Variants in RANGAP1 observed in about 807,000 individuals in gnomAD.
RANGAP1 encodes Ran GTPase activating protein 1, also known as ran GTPase-activating protein 1.
A neutral mutation model predicts 63.5 loss-of-function variants in RANGAP1; 38 were observed. The observed-to-expected ratio is 0.60, with a 90% CI of 0.46 to 0.78. RANGAP1 has a LOEUF of 0.78. Among genes scored for constraint, RANGAP1 ranks in the 30% least tolerant of loss-of-function variants. The probability of loss-of-function intolerance (pLI) is 0.00; values close to 1 mark genes in which losing one functional copy is unlikely to be tolerated. For synonymous variants in RANGAP1, 329 were observed against 310.5 expected, an observed-to-expected ratio of 1.06 and a Z score of -0.63; for missense variants, 630 against 740.3, an observed-to-expected ratio of 0.85 and a Z score of 1.73.
intron 6 of RANGAP1, among the ~76,000 whole-genome samples, chr22:41,260,965 G>A (rs1228146212): frequency 1.3e-5 from 2 of 152,204 alleles, no homozygotes; most frequent in East Asian, 1.9e-4. Context: ...GGGATGGGGA[G>A]AGGAGAGTGG....
intron 6 of RANGAP1, among the ~76,000 whole-genome samples, chr22:41,259,336 G>A (rs6002301): frequency 0.043 from 6,541 of 152,130 alleles, 236 homozygotes; most frequent in African/African-American, 0.1. Context: ...GCCAACCTGG[G>A]CACACTCCAG....
In RANGAP1 at chr22:41,274,692, T is replaced by C; in HGVS notation, c.148A>G (p.Ser50Gly). The change falls in exon 3 of 16, where the codon AGC (serine) becomes GGC (glycine). Residue 50 changes from serine (S) to glycine (G), a missense_variant. Physicochemically the swap from Ser to Gly is moderately conservative, Grantham distance 56 (BLOSUM62 0). This residue lies in a region of RANGAP1 where 65 missense variants were observed against 60.5 expected (regional missense o/e 1.07). Coordinates refer to ENST00000356244, the MANE Select transcript of RANGAP1 (RefSeq NM_002883.4). Reference protein sequence around the residue: ...DVIKEIEDFDSLEALRLEGNT... With the variant: ...DVIKEIEDFDGLEALRLEGNT... ...CCTTCCAGACGCAGAGCCTCCAAGC[T>C]GTCAAAGTCTTCAATCTCTTTAATC... is the stretch of plus-strand genomic sequence containing the variant. 1 of 1,614,176 alleles carries C rather than the reference T, an allele frequency of 6.2e-7. No individual in the cohort carries two copies. The highest frequency in any genetic ancestry group is 8.5e-7 in the Non-Finnish European group (1 of 1,180,024).
rs757636521 is a variant in RANGAP1 at position 41,264,745 on chromosome 22, C to T, written c.399G>A (p.Glu133=). 6.8e-6 allele frequency: 11 copies of T among 1,614,116 alleles called. No individual in the cohort carries two copies. The Admixed American group carries it at 1.8e-4, about 27-fold the overall frequency. Reference sequence around the variant, plus strand: ...AGCAGGCTGAGCTCTTGAGCAGGGCCTCGAAGCCTTGCACACCGTCGGGCC... The same window carrying T: ...AGCAGGCTGAGCTCTTGAGCAGGGCTTCGAAGCCTTGCACACCGTCGGGCC... ...AFGPDGVQGF[E]ALLKSSACFT... is the part of the protein sequence containing the mutation. Residue 133 remains glutamate (E), a synonymous_variant, in exon 5 of 16, where the codon GAG becomes GAA. Transcript: ENST00000356244.
chr22:41,287,781 G>GT (rs1354983269), upstream of RANGAP1, among the ~76,000 whole-genome samples: 1 of 152,008 alleles, frequency 6.6e-6, no homozygotes, highest in East Asian at 1.9e-4. Context: ...GAGGTCAGGA[G>GT]TTTGAGACCA....
intron 6 of RANGAP1, among the ~76,000 whole-genome samples, chr22:41,260,362 G>T (rs551605580): frequency 6.6e-6 from 1 of 152,146 alleles, no homozygotes; most frequent in African/African-American, 2.4e-5. Flanking sequence ...GCCCCCACCA[G>T]CTCCAGAGGA....
Position 41,261,551 on chromosome 22 carries a change from G to C in RANGAP1, c.510C>G (p.His170Gln). Residue 170 changes from histidine (H) to glutamine (Q), a missense_variant, in exon 6 of 16, where the codon CAC becomes CAG. Physicochemically the swap from His to Gln is conservative, Grantham distance 24. Transcript: ENST00000356244. ...GCTTGCCTTGGGCACTGGATTTCCGGTGACATTCGGTCAGAGCTGCAGCCA... is the reference window on the plus strand; with the variant it reads ...GCTTGCCTTGGGCACTGGATTTCCGCTGACATTCGGTCAGAGCTGCAGCCA... ...KILAAALTEC[H>Q]RKSSAQGKPL... 1.2e-6 allele frequency: 2 copies of C among 1,614,234 alleles called. No homozygotes were observed. The highest frequency in any genetic ancestry group is 1.7e-6 in the Non-Finnish European group (2 of 1,180,048).
chr22:41,271,193 C>T (rs541562133), intron 3 of RANGAP1, among the ~76,000 whole-genome samples: 2 of 150,182 alleles, frequency 1.3e-5, no homozygotes, highest in Non-Finnish European at 3.0e-5. Flanking sequence ...AGATCAAGAT[C>T]AGACTGGGCA....
Position 41,249,762 on chromosome 22 carries a change from G to A in RANGAP1, c.1539C>T (p.Leu513=), listed in dbSNP as rs775136001. 1.4e-5 allele frequency: 22 copies of A among 1,613,976 alleles called. No homozygotes were observed. The highest frequency in any genetic ancestry group is 3.3e-5 in the Admixed American group (2 of 60,008). ...NSSSFNSNTF[L]TRLLVHMGLL... is the part of the protein sequence containing the mutation. The stretch of plus-strand genomic sequence containing the variant: ...GACCCATGTGCACGAGCAGCCTGGT[G>A]AGGAAGGTGTTGGAGTTGAAGGACG... Residue 513 remains leucine, a synonymous_variant, in exon 14 of 16, where the codon CTC becomes CTT. Coordinates refer to ENST00000356244, the MANE Select transcript of RANGAP1 (RefSeq NM_002883.4).
rs934930074 is a variant in RANGAP1, at chr22:41,279,641, C to CA, written c.112+1291dup. Reference sequence around the variant, plus strand: ...TGGGCAACAGAGCAAGACTATGTCTCAAAAAAAAAAATTAGCCAGGCGTGA... The same window carrying CA: ...TGGGCAACAGAGCAAGACTATGTCTCAAAAAAAAAAAATTAGCCAGGCGTGA... On this transcript the variant is annotated intron_variant, in intron 2 of 15. Coordinates refer to ENST00000356244, the MANE Select transcript of RANGAP1 (RefSeq NM_002883.4). Among the ~76,000 whole-genome samples the CA allele has an allele frequency of 9.2e-4, 131 of 141,784 alleles. 1 individual carries two copies. In the Middle Eastern group the frequency reaches 0.015, roughly 16 times the overall value. 93.0% of individuals were successfully genotyped at this position (141,784 alleles called of 152,430 possible).
chr22:41,264,748 G>C lies in RANGAP1; in HGVS notation c.396C>G (p.Phe132Leu). The change falls in exon 5 of 16, where the codon TTC becomes TTG. Residue 132 changes from phenylalanine (F) to leucine (L), a missense_variant. By Grantham distance (22) the Phe-to-Leu change is conservative. This residue lies in a region of RANGAP1 where 137 missense variants were observed against 214.3 expected (regional missense o/e 0.64). Transcript: ENST00000356244. ...NAFGPDGVQG[F>L]EALLKSSACF... ...AGGCTGAGCTCTTGAGCAGGGCCTC[G>C]AAGCCTTGCACACCGTCGGGCCCGA... 6.2e-7 allele frequency: 1 copy of C among 1,614,090 alleles called. No homozygotes were observed. The highest frequency in any genetic ancestry group is 8.5e-7 in the Non-Finnish European group (1 of 1,179,928).
the RANGAP1 span, among the ~76,000 whole-genome samples, chr22:41,297,687 T>A: frequency 1.5e-5 from 1 of 67,558 alleles, no homozygotes; most frequent in Admixed American, 2.7e-4. Flanking sequence ...CACACCTGGC[T>A]TTTTTTTTTT....
At position 41,257,746 on chromosome 22, in the gene RANGAP1, C is replaced by T. The variant is rs971663287; in HGVS notation, c.774+202G>A. On this transcript the variant is annotated intron_variant, in intron 7 of 15. Transcript: ENST00000356244. The surrounding 1 kb of genome is among the most constrained non-coding windows in gnomAD (Gnocchi z 4.0). ...GAGAAGGTGGCATGAAGAATCAGAG[C>T]TGCCCGAGGAGGGCGTGGGTTACCT... is the stretch of plus-strand genomic sequence containing the variant. 2.0e-5 allele frequency among the ~76,000 whole-genome samples: 3 copies of T among 152,230 alleles called. No individual in the cohort carries two copies. The highest frequency in any genetic ancestry group is 7.2e-5 in the African/African-American group (3 of 41,462).
Position 41,245,980 on chromosome 22 carries a change from C to T in RANGAP1, c.*623G>A, listed in dbSNP as rs1953. On this transcript the variant is annotated 3_prime_UTR_variant, in exon 16 of 16. Transcript: ENST00000356244. ...ACAATCTGGTGTCTGCCTGTCCACA[C>T]GGTGTGGGGCCCAGGGTTGCCCTCT... 35,289 of 152,832 alleles carry T rather than the reference C, an allele frequency of 0.23. 4,476 individuals are homozygous for T. Among genetic ancestry groups the T allele is most frequent in the Non-Finnish European group, 0.28 (18,888 of 68,508 alleles). The allele number at this position is 152,832 out of a possible 1,614,324, so 9.5% of individuals were successfully genotyped here. A position where few individuals can be genotyped will look rare whatever the true frequency, so the allele number is the denominator to read the frequency against.
In RANGAP1 at chr22:41,276,793, G is replaced by GTT. The variant is rs1457159072; in HGVS notation, c.113-2067_113-2066insAA. On this transcript the variant is annotated intron_variant, in intron 2 of 15. Coordinates refer to ENST00000356244, the MANE Select transcript of RANGAP1 (RefSeq NM_002883.4). ...GAGTTCAGGAGTTCAAGAACAGCCT[G>GTT]GCCAACATGGTAAACCCCGTCTCTA... Among the ~76,000 whole-genome samples the GTT allele has an allele frequency of 2.0e-5, 3 of 151,770 alleles. No individual in the cohort carries two copies. In the East Asian group the frequency reaches 5.8e-4, roughly 29 times the overall value.
At chr22:41,273,242 G>C (rs1031326026) in intron 3 of RANGAP1, among the ~76,000 whole-genome samples, 1 of 152,176 alleles carries the variant, frequency 6.6e-6, no homozygotes, top group Non-Finnish European at 1.5e-5. Flanking sequence ...CATATGAAGA[G>C]ACAATGCCAT....
At position 41,249,790 on chromosome 22, in the gene RANGAP1, GA is replaced by G. The variant is rs1158601449; in HGVS notation, c.1510del (p.Ser504ProfsTer36). 1 of 1,613,994 alleles carries G rather than the reference GA, an allele frequency of 6.2e-7. No individual in the cohort carries two copies. The highest frequency in any genetic ancestry group is 1.3e-5 in the African/African-American group (1 of 74,950). On this transcript the variant is annotated frameshift_variant, in exon 14 of 16. Coordinates refer to ENST00000356244, the MANE Select transcript of RANGAP1 (RefSeq NM_002883.4). LOFTEE classifies it high-confidence loss of function. ...VDALMQKAFN[S>X]SSFNSNTFLT... ...GAAGGTGTTGGAGTTGAAGGACGAG[GA>G]GTTGAAAGCCTTCTGCATCAGGGCA...
At chr22:41,294,224 G>C in the RANGAP1 span, among the ~76,000 whole-genome samples, 3 of 152,200 alleles carry the variant, frequency 2.0e-5, no homozygotes, top group Non-Finnish European at 4.4e-5. Context: ...ACTGGTTTTC[G>C]TATTTTTTTG....
intron 15 of RANGAP1, among the ~76,000 whole-genome samples, chr22:41,247,145 T>C (rs1178299325): frequency 6.6e-6 from 1 of 152,060 alleles, no homozygotes; most frequent in African/African-American, 2.4e-5. Flanking sequence ...AAGCTCCGCC[T>C]CCCGAGTTCA....
chr22:41,294,708 C>T, the RANGAP1 span, among the ~76,000 whole-genome samples: 2 of 143,766 alleles, frequency 1.4e-5, no homozygotes, highest in South Asian at 4.6e-4. Context: ...CCTGCCACCC[C>T]GTCCGGGATG....
Sources: gnomAD v4.1 joint callset for allele counts (sites outside exome capture counted in the v4.1 genomes callset) on GRCh38, gnomAD v4.1.1 for gene constraint, gnomAD v4.1.1 regional missense constraint, Gnocchi (gnomAD v3.1) non-coding constraint, MANE v1.5 for transcripts, NCBI Gene and HGNC (gene_info 2026-07-23, HGNC 2026-07-21) for gene names.